PELI2: variants seen among roughly 807,000 people sequenced by gnomAD.
The protein encoded by PELI2 is pellino E3 ubiquitin protein ligase family member 2, also known as E3 ubiquitin-protein ligase pellino homolog 2.
Under a neutral mutation model 42.3 loss-of-function variants are expected in PELI2, and 23 were observed. The observed-to-expected ratio is 0.54, with a 90% CI of 0.39 to 0.77. The LOEUF is 0.77. Among genes scored for constraint, PELI2 ranks in the 30% least tolerant of loss-of-function variants. The pLI, the probability that PELI2 is intolerant of heterozygous loss-of-function variation, is 0.00. For synonymous variants in PELI2, 245 were observed against 212.2 expected, an observed-to-expected ratio of 1.15 and a Z score of -1.34; for missense variants, 463 against 553.2, an observed-to-expected ratio of 0.84 and a Z score of 1.64.
Position 56,173,239 on chromosome 14 carries a change from C to T in PELI2, c.78-5096C>T, listed in dbSNP as rs558834723. On this transcript the variant is annotated intron_variant, in intron 1 of 5. Transcript: ENST00000267460. ...TTATCCCTCACCCTGTGCATCCAAA[C>T]GGGTTACCAGTTACTGTGAATTTTG... Among the ~76,000 whole-genome samples, 67 of 152,262 alleles carry T rather than the reference C, an allele frequency of 4.4e-4. No individual in the cohort carries two copies. In the South Asian group the frequency reaches 5.4e-3, roughly 12 times the overall value.
chr14:56,278,833 T>G (rs1281579303), intron 2 of PELI2, among the ~76,000 whole-genome samples: 1 of 152,150 alleles, frequency 6.6e-6, no homozygotes, highest in Non-Finnish European at 1.5e-5. Context: ...ATACTTAATG[T>G]AAAAGATTAA....
rs561280548 is a variant in PELI2 at position 56,268,036 on chromosome 14, G to T, written c.208-11640G>T. Among the ~76,000 whole-genome samples the T allele has an allele frequency of 2.6e-3, 398 of 152,262 alleles. 1 individual carries two copies. The highest frequency in any genetic ancestry group is 9.3e-3 in the African/African-American group (385 of 41,554). On this transcript the variant is annotated intron_variant, in intron 2 of 5. Transcript: ENST00000267460. The stretch of plus-strand genomic sequence containing the variant: ...ATTTATAGCATTTGGAAGTTTGCCT[G>T]CTCATGCCAACAAACTAGGACTTGC...
At chr14:56,224,614 C>T (rs1887274263) in intron 2 of PELI2, among the ~76,000 whole-genome samples, 1 of 152,174 alleles carries the variant, frequency 6.6e-6, no homozygotes, top group East Asian at 1.9e-4. Context: ...ACAAGTTCTA[C>T]CCACTGCAGT....
At chr14:56,270,176 A>G (rs1392051004) in intron 2 of PELI2, among the ~76,000 whole-genome samples, 1 of 152,224 alleles carries the variant, frequency 6.6e-6, no homozygotes, top group Non-Finnish European at 1.5e-5. Context: ...GCCGAGTTCA[A>G]CGCTATTGCC....
intron 1 of PELI2, among the ~76,000 whole-genome samples, chr14:56,132,561 G>C (rs930219503): frequency 1.3e-5 from 2 of 152,064 alleles, no homozygotes; most frequent in Non-Finnish European, 2.9e-5. Flanking sequence ...GCTTATGTTC[G>C]TGTTCTGTTC....
rs542563809 is a variant in PELI2, at chr14:56,247,641, G to C, written c.208-32035G>C. ...ATCAACCTACTTTCGTTAACATCTTGAAAATCATGGATTAACACAAGACAG... is the reference window on the plus strand; with the variant it reads ...ATCAACCTACTTTCGTTAACATCTTCAAAATCATGGATTAACACAAGACAG... On this transcript the variant is annotated intron_variant, in intron 2 of 5. Coordinates refer to ENST00000267460, the MANE Select transcript of PELI2 (RefSeq NM_021255.3). 6.6e-5 allele frequency among the ~76,000 whole-genome samples: 10 copies of C among 152,248 alleles called. No individual in the cohort carries two copies. The East Asian group carries it at 1.9e-3, about 29-fold the overall frequency.
intron 2 of PELI2, among the ~76,000 whole-genome samples, chr14:56,179,301 A>AT (rs1265558992): frequency 2.6e-5 from 4 of 152,240 alleles, no homozygotes; most frequent in Non-Finnish European, 5.9e-5. Context: ...TGGCATATAA[A>AT]TGAGAGTCTT....
intron 1 of PELI2, among the ~76,000 whole-genome samples, chr14:56,122,789 A>G (rs888238050): frequency 1.3e-5 from 2 of 152,222 alleles, no homozygotes; most frequent in Non-Finnish European, 2.9e-5. Flanking sequence ...GTAGGCAACA[A>G]AAAGACTTGC....
intron 2 of PELI2, among the ~76,000 whole-genome samples, chr14:56,222,894 G>A (rs923485838): frequency 1.3e-5 from 2 of 152,200 alleles, no homozygotes; most frequent in Non-Finnish European, 2.9e-5. Flanking sequence ...GTGGGGTAGA[G>A]TGGGCGAAGG....
chr14:56,168,397 T>C (rs1885045085), intron 1 of PELI2, among the ~76,000 whole-genome samples: 1 of 152,176 alleles, frequency 6.6e-6, no homozygotes. Context: ...GGTGCAGTTC[T>C]TCCTGTTCTT....
At chr14:56,161,190 T>G (rs1884750648) in intron 1 of PELI2, among the ~76,000 whole-genome samples, 1 of 152,144 alleles carries the variant, frequency 6.6e-6, no homozygotes, top group East Asian at 1.9e-4. Context: ...CAGAGTAGCA[T>G]CCCAATTCAA....
intron 2 of PELI2, among the ~76,000 whole-genome samples, chr14:56,237,323 A>T (rs1438083390): frequency 6.6e-6 from 1 of 152,174 alleles, no homozygotes; most frequent in South Asian, 2.1e-4. Flanking sequence ...GCTTTCCACT[A>T]CAGGGGCTAG....
intron 1 of PELI2, among the ~76,000 whole-genome samples, chr14:56,166,128 A>G (rs1298139636): frequency 6.6e-6 from 1 of 151,958 alleles, no homozygotes; most frequent in Non-Finnish European, 1.5e-5. Context: ...TGCTTTTTGT[A>G]TATCTGTTGT....
intron 1 of PELI2, among the ~76,000 whole-genome samples, chr14:56,161,641 T>G (rs1884769298): frequency 1.3e-5 from 2 of 152,212 alleles, no homozygotes; most frequent in Admixed American, 1.3e-4. Context: ...ACAGGGTGTC[T>G]TTTTGTTTCC....
intron 2 of PELI2, among the ~76,000 whole-genome samples, chr14:56,183,777 T>C (rs1475180032): frequency 6.6e-6 from 1 of 152,154 alleles, no homozygotes; most frequent in Non-Finnish European, 1.5e-5. Flanking sequence ...AGGAACAACA[T>C]CTGAAATATA....
intron 2 of PELI2, among the ~76,000 whole-genome samples, chr14:56,203,480 G>A (rs2139711771): frequency 6.6e-6 from 1 of 152,192 alleles, no homozygotes; most frequent in South Asian, 2.1e-4. Flanking sequence ...TGTGATGTAT[G>A]TATATAGATG....
chr14:56,171,292 A>G (rs1488003586), intron 1 of PELI2, among the ~76,000 whole-genome samples: 1 of 152,162 alleles, frequency 6.6e-6, no homozygotes, highest in Non-Finnish European at 1.5e-5. Context: ...GTTCCTGATA[A>G]AAGGATGAGT....
chr14:56,175,555 A>G (rs752270644), intron 1 of PELI2, among the ~76,000 whole-genome samples: 11 of 152,180 alleles, frequency 7.2e-5, no homozygotes, highest in Non-Finnish European at 1.3e-4. Context: ...TCATGGTGAC[A>G]CTGGTTTTTC....
At chr14:56,281,759 C>T (rs995556311) in intron 3 of PELI2, among the ~76,000 whole-genome samples, 68 of 152,108 alleles carry the variant, frequency 4.5e-4, no homozygotes, top group African/African-American at 1.3e-3. Flanking sequence ...GAGGATTTGA[C>T]AGACAGTTCA....
Sources: allele counts gnomAD v4.1 joint callset (sites outside exome capture counted in the v4.1 genomes callset), GRCh38; gene constraint gnomAD v4.1.1; transcripts MANE v1.5; gene names NCBI Gene and HGNC (gene_info 2026-07-23, HGNC 2026-07-21).